Variants in CNNM1 observed in about 807,000 individuals in gnomAD.
The protein encoded by CNNM1 is cyclin and CBS domain divalent metal cation transport mediator 1, also known as metal transporter CNNM1.
Under a neutral mutation model 78.8 loss-of-function variants are expected in CNNM1, and 44 were observed. The ratio of observed to expected loss-of-function variants is 0.56; its 90% CI spans 0.44 to 0.72. The LOEUF is 0.72. CNNM1 is among the 30% of genes least tolerant of loss of function. The pLI, the probability that CNNM1 is intolerant of heterozygous loss-of-function variation, is 0.00. For missense variants in CNNM1, 1,101 were observed against 1,292.2 expected (o/e 0.85, Z 2.27); for synonymous variants, 584 against 581.5 (o/e 1.00, Z -0.06).
intron 7 of CNNM1, among the ~76,000 whole-genome samples, chr10:99,385,568 T>G (rs1445057574): frequency 6.6e-6 from 1 of 152,220 alleles, no homozygotes; most frequent in Non-Finnish European, 1.5e-5. Flanking sequence ...ATGCCCATTA[T>G]AAAGTCAAAT....
Position 99,377,128 on chromosome 10 carries a change from G to A in CNNM1, c.2250G>A (p.Gly750=), listed in dbSNP as rs1478117899. The part of the protein sequence containing the change: ...ESPNRERSDF[G]GSNTQLYSSS... ...CAAACCGAGAGCGCAGTGACTTTGG[G>A]GGCAGCAACACCCAGCTGTACAGCA... Residue 750 remains glycine, a synonymous_variant, in exon 7 of 11, where the codon GGG becomes GGA. Coordinates refer to ENST00000356713, the MANE Select transcript of CNNM1 (RefSeq NM_020348.3). The A allele has an allele frequency of 6.2e-7, 1 of 1,611,326 alleles. No individual in the cohort carries two copies. Among genetic ancestry groups the A allele is most frequent in the Admixed American group, 1.7e-5 (1 of 59,624 alleles).
chr10:99,379,660 T>G (rs1220398265), intron 7 of CNNM1, among the ~76,000 whole-genome samples: 1 of 78,248 alleles, frequency 1.3e-5, no homozygotes, highest in Non-Finnish European at 2.9e-5. Context: ...TTTTTTTTTG[T>G]AGAGACAGGA....
At chr10:99,356,558 C>CAGAAAGAAAGAAAGAAAGAAAGAA (rs1355245134) in intron 1 of CNNM1, among the ~76,000 whole-genome samples, 6 of 45,746 alleles carry the variant, frequency 1.3e-4, no homozygotes, top group Admixed American at 2.4e-4. Context: ...GACAGACAGA[C>CAGAAAGAAAGAAAGAAAGAAAGAA]AGACAGAAAG....
intron 7 of CNNM1, among the ~76,000 whole-genome samples, chr10:99,385,551 G>C (rs183347493): frequency 5.3e-5 from 8 of 152,314 alleles, no homozygotes; most frequent in Admixed American, 4.6e-4. Flanking sequence ...AGCTGTCTTT[G>C]AAATGTATGC....
intron 7 of CNNM1, among the ~76,000 whole-genome samples, chr10:99,380,037 T>C (rs1459857680): frequency 1.3e-5 from 2 of 150,990 alleles, no homozygotes; most frequent in Non-Finnish European, 3.0e-5. Flanking sequence ...TTTTTTTTTT[T>C]TTTTGAGACA....
intron 4 of CNNM1, among the ~76,000 whole-genome samples, chr10:99,362,622 G>A (rs965982642): frequency 6.6e-6 from 1 of 152,182 alleles, no homozygotes; most frequent in Non-Finnish European, 1.5e-5. Flanking sequence ...ACAACTCAGC[G>A]ATGTTTGGGG....
chr10:99,377,643 A>G (rs1240959926), intron 7 of CNNM1, among the ~76,000 whole-genome samples: 1 of 152,214 alleles, frequency 6.6e-6, no homozygotes, highest in Non-Finnish European at 1.5e-5. Flanking sequence ...CATGCTATAC[A>G]TCTGCCTGTC....
At chr10:99,359,508 G>C (rs1325174290) in intron 2 of CNNM1, among the ~76,000 whole-genome samples, 1 of 152,166 alleles carries the variant, frequency 6.6e-6, no homozygotes, top group Non-Finnish European at 1.5e-5. Context: ...CTGGGTCTGG[G>C]TCTGCCCATT....
Position 99,393,024 on chromosome 10 carries a change from A to T in CNNM1, c.*1508A>T, listed in dbSNP as rs2032520262. 1 of 152,182 alleles carries T rather than the reference A, an allele frequency of 6.6e-6. No homozygotes were observed. The highest frequency in any genetic ancestry group is 1.5e-5 in the Non-Finnish European group (1 of 68,062). The allele number at this position is 152,182 out of a possible 1,614,324, so 9.4% of individuals were successfully genotyped here. ...AAGAAAAGCAACCACAGCCAGCCTTAGGGAAAACTTGGAAGTAAGTGAAAT... is the reference window on the plus strand; with the variant it reads ...AAGAAAAGCAACCACAGCCAGCCTTTGGGAAAACTTGGAAGTAAGTGAAAT... On this transcript the variant is annotated 3_prime_UTR_variant, in exon 11 of 11. Transcript: ENST00000356713.
At chr10:99,389,045 C>T (rs1475760842) in intron 9 of CNNM1, among the ~76,000 whole-genome samples, 2 of 152,136 alleles carry the variant, frequency 1.3e-5, no homozygotes, top group East Asian at 1.9e-4. Flanking sequence ...TTCCCCCACC[C>T]GACCTGTCAG....
intron 6 of CNNM1, among the ~76,000 whole-genome samples, chr10:99,365,466 C>T (rs1181091984): frequency 2.0e-5 from 3 of 152,202 alleles, no homozygotes; most frequent in Admixed American, 6.5e-5. Flanking sequence ...TTGTGCAATA[C>T]GTTGCTTATC....
In CNNM1 at chr10:99,330,549, A is replaced by G; in HGVS notation, c.1162A>G (p.Ile388Val). 5 of 1,601,194 alleles carry G rather than the reference A, an allele frequency of 3.1e-6. No individual in the cohort carries two copies. The highest frequency in any genetic ancestry group is 4.3e-6 in the Non-Finnish European group (5 of 1,174,096). ...RLLDWALRQE[I>V]STFYTREKLL... ...GCTGGACTGGGCGCTGCGCCAGGAG[A>G]TAAGCACCTTCTACACGCGGGAGAA... The change falls in exon 1 of 11, where the codon ATA (isoleucine) becomes GTA (valine). Residue 388 changes from isoleucine (I) to valine (V), a missense_variant. Coordinates refer to ENST00000356713, the MANE Select transcript of CNNM1 (RefSeq NM_020348.3).
chr10:99,356,418 G>A (rs1353956197), intron 1 of CNNM1, among the ~76,000 whole-genome samples: 3 of 151,652 alleles, frequency 2.0e-5, no homozygotes, highest in African/African-American at 7.3e-5. Context: ...GGAGGTTGCA[G>A]TGAGCTGAGA....
intron 6 of CNNM1, among the ~76,000 whole-genome samples, chr10:99,371,158 G>A (rs1052219884): frequency 1.3e-5 from 2 of 152,150 alleles, no homozygotes; most frequent in South Asian, 2.1e-4. Flanking sequence ...TACGAATCTG[G>A]TGCTCGCACT....
At chr10:99,390,467 C>A in intron 10 of CNNM1, 60 bp downstream of exon 10, 1 of 1,209,588 alleles carries the variant, frequency 8.3e-7, no homozygotes, top group Non-Finnish European at 1.2e-6. Flanking sequence ...GTAGGAAAAG[C>A]ATGTTAGCAT....
At chr10:99,346,350 A>G (rs12570708) in intron 1 of CNNM1, among the ~76,000 whole-genome samples, 5,557 of 152,270 alleles carry the variant, frequency 0.036, 214 homozygotes, top group East Asian at 0.16. Context: ...ACTTCATTAC[A>G]TGTGAACACT....
chr10:99,339,810 A>G (rs542042425), intron 1 of CNNM1, among the ~76,000 whole-genome samples: 2 of 152,340 alleles, frequency 1.3e-5, no homozygotes, highest in East Asian at 1.9e-4. Context: ...CCAAAATGCC[A>G]GTGGTTTACT....
At chr10:99,338,798 G>A (rs190170437) in intron 1 of CNNM1, among the ~76,000 whole-genome samples, 1 of 152,178 alleles carries the variant, frequency 6.6e-6, no homozygotes, top group African/African-American at 2.4e-5. Context: ...AAAAGGAAAA[G>A]CCCATTGTCC....
rs1332326099 is a variant in CNNM1, at chr10:99,387,831, G to C, written c.2352G>C (p.Gln784His). ...CCTCTTCCTTCCAGATCACACGGCA[G>C]CAATATCAGAACGCACTCACTGCCT... ...SDVQFVKITRQQYQNALTACH... is the reference protein window; with the variant it reads ...SDVQFVKITRHQYQNALTACH... Residue 784 changes from glutamine (Q) to histidine (H), a missense_variant, in exon 8 of 11, where the codon CAG (glutamine) becomes CAC (histidine). Coordinates refer to ENST00000356713, the MANE Select transcript of CNNM1 (RefSeq NM_020348.3). The C allele has an allele frequency of 1.2e-6, 2 of 1,601,280 alleles. No homozygotes were observed. Among genetic ancestry groups the C allele is most frequent in the Non-Finnish European group, 1.7e-6 (2 of 1,173,922 alleles).
Sources: allele counts gnomAD v4.1 joint callset (sites outside exome capture counted in the v4.1 genomes callset), GRCh38; gene constraint gnomAD v4.1.1; transcripts MANE v1.5; gene names NCBI Gene and HGNC (gene_info 2026-07-23, HGNC 2026-07-21).